FNBP1L: variants seen among roughly 807,000 people sequenced by gnomAD.
The protein encoded by FNBP1L is formin-binding protein 1-like.
FNBP1L carries 36 observed loss-of-function variants against 91.2 expected under a neutral mutation model. The observed-to-expected ratio is 0.39, with a 90% CI of 0.30 to 0.52. The LOEUF (loss-of-function observed/expected upper bound fraction) is 0.52. Ranked by LOEUF, FNBP1L falls within the 20% of genes least tolerant of loss-of-function variation. The probability of loss-of-function intolerance (pLI) is 0.66; values close to 1 mark genes in which losing one functional copy is unlikely to be tolerated. For synonymous variants in FNBP1L, 242 were observed against 237.0 expected, an observed-to-expected ratio of 1.02 and a Z score of -0.19; for missense variants, 571 against 732.1, an observed-to-expected ratio of 0.78 and a Z score of 2.54.
intron 2 of FNBP1L, among the ~76,000 whole-genome samples, chr1:93,500,250 A>G (rs1230575187): frequency 6.6e-6 from 1 of 152,194 alleles, no homozygotes; most frequent in African/African-American, 2.4e-5. Flanking sequence ...AAACAGGCAT[A>G]CATGACTACA....
Position 93,489,773 on chromosome 1 carries a change from T to A in FNBP1L, c.25-9695T>A, listed in dbSNP as rs115330595. 3.4e-3 allele frequency among the ~76,000 whole-genome samples: 511 copies of A among 152,342 alleles called. 2 individuals are homozygous for A. Among genetic ancestry groups the A allele is most frequent in the African/African-American group, 0.011 (473 of 41,576 alleles). Reference sequence around the variant, plus strand: ...AAAATTCTACAATATTTCTCAATTTTCTTTGAGGATAGACATGGTTGATCC... The same window carrying A: ...AAAATTCTACAATATTTCTCAATTTACTTTGAGGATAGACATGGTTGATCC... On this transcript the variant is annotated intron_variant, in intron 1 of 16. Coordinates refer to ENST00000271234, the MANE Select transcript of FNBP1L (RefSeq NM_001164473.3).
chr1:93,510,045 G>A (rs1203087165), intron 2 of FNBP1L, among the ~76,000 whole-genome samples: 3 of 152,172 alleles, frequency 2.0e-5, no homozygotes, highest in African/African-American at 4.8e-5. Flanking sequence ...AGGGGCGCCC[G>A]CCATTGCCCA....
At chr1:93,468,776 A>G (rs575193844) in intron 1 of FNBP1L, among the ~76,000 whole-genome samples, 1 of 152,252 alleles carries the variant, frequency 6.6e-6, no homozygotes, top group African/African-American at 2.4e-5. Context: ...TCTCTTGGGT[A>G]TATACTTAAC....
intron 1 of FNBP1L, among the ~76,000 whole-genome samples, chr1:93,449,498 G>A (rs571701762): frequency 6.6e-6 from 1 of 152,306 alleles, no homozygotes; most frequent in African/African-American, 2.4e-5. Context: ...AAAGCCAATG[G>A]GTTAATTGAA....
chr1:93,552,210 TG>T, intron 16 of FNBP1L, 198 bp from the exon 17 acceptor site: 1 of 1,357,136 alleles, frequency 7.4e-7, no homozygotes, highest in Non-Finnish European at 9.5e-7. Context: ...CCTGAGTCAG[TG>T]GTGTGGGGAA....
intron 2 of FNBP1L, among the ~76,000 whole-genome samples, chr1:93,514,005 G>C (rs1670968867): frequency 6.6e-6 from 1 of 152,084 alleles, no homozygotes; most frequent in African/African-American, 2.4e-5. Context: ...CGACATGATT[G>C]TATATCTAGA....
intron 15 of FNBP1L, 58 bp downstream of exon 15, chr1:93,549,484 A>G (rs1020149100): frequency 1.1e-5 from 15 of 1,330,942 alleles, no homozygotes; most frequent in Middle Eastern, 3.8e-4. Flanking sequence ...AAGTATTTAC[A>G]TCAAGTCACT....
At chr1:93,522,613 T>G (rs1319376626) in intron 3 of FNBP1L, among the ~76,000 whole-genome samples, 1 of 152,146 alleles carries the variant, frequency 6.6e-6, no homozygotes, top group African/African-American at 2.4e-5. Flanking sequence ...GGATGACTGT[T>G]TAGATGGAGA....
intron 15 of FNBP1L, 75 bp downstream of exon 15, chr1:93,549,501 A>C: frequency 8.7e-7 from 1 of 1,143,254 alleles, no homozygotes; most frequent in South Asian, 2.2e-5. Flanking sequence ...CACTCACTGT[A>C]GTATCCTTAT....
intron 1 of FNBP1L, among the ~76,000 whole-genome samples, chr1:93,499,088 AT>A (rs1289089002): frequency 3.3e-5 from 5 of 152,116 alleles, no homozygotes; most frequent in African/African-American, 1.2e-4. Context: ...TAAGATAGTA[AT>A]TTTAGGGAGG....
intron 2 of FNBP1L, among the ~76,000 whole-genome samples, chr1:93,510,357 T>C (rs1311184774): frequency 1.3e-5 from 2 of 152,134 alleles, no homozygotes; most frequent in Non-Finnish European, 2.9e-5. Flanking sequence ...GACTGACACC[T>C]CACACGGCTG....
chr1:93,512,674 TG>T (rs1670902447), intron 2 of FNBP1L, among the ~76,000 whole-genome samples: 1 of 149,534 alleles, frequency 6.7e-6, no homozygotes, highest in African/African-American at 2.4e-5. Flanking sequence ...GAATGACTAC[TG>T]GGTACATAAC....
chr1:93,545,016 A>T (rs1222139494), intron 12 of FNBP1L, among the ~76,000 whole-genome samples: 2 of 152,194 alleles, frequency 1.3e-5, no homozygotes, highest in African/African-American at 4.8e-5. Flanking sequence ...TGATTGGCAC[A>T]TAACCTTTTT....
At chr1:93,501,732 A>G (rs1389933645) in intron 2 of FNBP1L, among the ~76,000 whole-genome samples, 1 of 152,180 alleles carries the variant, frequency 6.6e-6, no homozygotes, top group African/African-American at 2.4e-5. Context: ...GAATCACTGT[A>G]TTATACAGAG....
intron 1 of FNBP1L, among the ~76,000 whole-genome samples, chr1:93,456,099 C>T (rs902748555): frequency 6.6e-6 from 1 of 152,124 alleles, no homozygotes. Context: ...GACACTATCT[C>T]CAAGGAAAAA....
intron 5 of FNBP1L, 72 bp downstream of exon 5, chr1:93,524,395 C>G: frequency 9.2e-7 from 1 of 1,085,558 alleles, no homozygotes; most frequent in Non-Finnish European, 1.3e-6. Context: ...TTTTATGCTT[C>G]ATATCTATTT....
At chr1:93,538,513 A>G (rs1206877017) in intron 10 of FNBP1L, among the ~76,000 whole-genome samples, 1 of 152,132 alleles carries the variant, frequency 6.6e-6, no homozygotes, top group African/African-American at 2.4e-5. Flanking sequence ...TAGAGGACAG[A>G]GCAGGGAAGA....
intron 16 of FNBP1L, chr1:93,551,400 T>G: frequency 9.6e-7 from 1 of 1,040,694 alleles, no homozygotes; most frequent in Non-Finnish European, 1.2e-6. Context: ...TTTTCTGCCT[T>G]ACAAATAGAA....
At chr1:93,546,441 A>G (rs1004077415) in intron 12 of FNBP1L, among the ~76,000 whole-genome samples, 2 of 152,110 alleles carry the variant, frequency 1.3e-5, no homozygotes, top group Admixed American at 1.3e-4. Context: ...TGGGAGGACA[A>G]TGATGATGTA....
Sources: gnomAD v4.1 joint callset for allele counts (sites outside exome capture counted in the v4.1 genomes callset) on GRCh38, gnomAD v4.1.1 for gene constraint, MANE v1.5 for transcripts, NCBI Gene and HGNC (gene_info 2026-07-23, HGNC 2026-07-21) for gene names.